Variants in UNC13A observed in about 807,000 individuals in gnomAD.
UNC13A encodes protein unc-13 homolog A.
In UNC13A, 61 loss-of-function variants were observed where a neutral mutation model predicts 219.7. That is an observed-to-expected ratio of 0.28 (90% CI 0.23 to 0.34). UNC13A has a LOEUF of 0.34. Among genes scored for constraint, UNC13A ranks in the 10% least tolerant of loss-of-function variants. The probability of loss-of-function intolerance (pLI) is 1.00; values close to 1 mark genes in which losing one functional copy is unlikely to be tolerated. For synonymous variants in UNC13A, 920 were observed against 884.6 expected, an observed-to-expected ratio of 1.04 and a Z score of -0.71; for missense variants, 1,476 against 2,270.3, an observed-to-expected ratio of 0.65 and a Z score of 7.11.
chr19:17,607,557 C>G (rs1017541318), intron 43 of UNC13A, among the ~76,000 whole-genome samples: 2 of 148,928 alleles, frequency 1.3e-5, no homozygotes, highest in African/African-American at 2.5e-5. Context: ...GAATTACAAG[C>G]GTCAGCCACC....
chr19:17,616,278 C>T lies in UNC13A; in HGVS notation c.4558+1424G>A. On this transcript the variant is annotated intron_variant, in intron 41 of 43. Transcript: ENST00000519716. ...CCTCACCCGCCTGGGCCCTCCAAGC[C>T]GCTCAGGCCTGGGCGGCGGCCCTGC... The T allele has an allele frequency of 1.6e-5, 8 of 514,002 alleles. No homozygotes were observed. The South Asian group carries it at 2.1e-4, about 13-fold the overall frequency. The allele number at this position is 514,002 out of a possible 1,614,324, so 31.8% of individuals were successfully genotyped here. A position where few individuals can be genotyped will look rare whatever the true frequency, so the allele number is the denominator to read the frequency against.
At chr19:17,631,215 CCTTCCTT>C (rs1418886621) in intron 28 of UNC13A, among the ~76,000 whole-genome samples, 19 of 42,640 alleles carry the variant, frequency 4.5e-4, no homozygotes, top group African/African-American at 1.9e-3. Context: ...TTCCTTCCTT[CCTTCCTT>C]CTTCCTTCCT....
chr19:17,616,979 C>T (rs1053684954), intron 41 of UNC13A, among the ~76,000 whole-genome samples: 1 of 152,102 alleles, frequency 6.6e-6, no homozygotes, highest in African/African-American at 2.4e-5. Flanking sequence ...GACAGGAGAC[C>T]GAAGCAAAAT....
intron 34 of UNC13A, 125 bp from the exon 35 acceptor site, chr19:17,625,077 C>G: frequency 7.0e-7 from 1 of 1,424,306 alleles, no homozygotes; most frequent in Non-Finnish European, 9.3e-7. Flanking sequence ...TACAGGGACC[C>G]CTGGGTGGTT....
At chr19:17,653,329 AAT>A (rs58439414) in intron 11 of UNC13A, among the ~76,000 whole-genome samples, 2 of 148,592 alleles carry the variant, frequency 1.3e-5, no homozygotes, top group African/African-American at 4.9e-5. Context: ...TCCTGAAATA[AAT>A]ATATATATAT....
intron 21 of UNC13A, 123 bp from the exon 22 acceptor site, chr19:17,640,784 T>G (rs2076959961): frequency 1.9e-6 from 2 of 1,065,958 alleles, no homozygotes; most frequent in Non-Finnish European, 1.3e-6. Context: ...AACCATCCCC[T>G]GCCTGATTCT....
rs749700009 is a variant in UNC13A at position 17,641,515 on chromosome 19, G to C, written c.2514C>G (p.Val838=). 1 of 1,613,948 alleles carries C rather than the reference G, an allele frequency of 6.2e-7. No homozygotes were observed. Among genetic ancestry groups the C allele is most frequent in the Non-Finnish European group, 8.5e-7 (1 of 1,179,950 alleles). The part of the protein sequence containing the change: ...HFVTDVQNNG[V]VKIPDAKGDD... ...CACCCTTGGCATCTGGGATCTTCACGACCCCATTGTTCTGCACGTCGGTCA... is the reference window on the plus strand; with the variant it reads ...CACCCTTGGCATCTGGGATCTTCACCACCCCATTGTTCTGCACGTCGGTCA... Residue 838 remains valine (V), a synonymous_variant, in exon 21 of 44, where the codon GTC becomes GTG. Transcript: ENST00000519716.
At chr19:17,667,776 ATTTTTT>A (rs34197880) in intron 6 of UNC13A, among the ~76,000 whole-genome samples, 1 of 108,056 alleles carries the variant, frequency 9.3e-6, no homozygotes, top group Non-Finnish European at 1.8e-5. Flanking sequence ...AGCCTGGCTA[ATTTTTT>A]TTTTTTTTTT....
chr19:17,614,178 G>C, intron 41 of UNC13A: 1 of 150,402 alleles, frequency 6.6e-6, no homozygotes, highest in Non-Finnish European at 1.5e-5. Flanking sequence ...GCTAATTTTT[G>C]TTATTTTTAG....
chr19:17,650,330 A>G (rs1156245487), intron 12 of UNC13A, among the ~76,000 whole-genome samples: 1 of 151,976 alleles, frequency 6.6e-6, no homozygotes, highest in African/African-American at 2.4e-5. Flanking sequence ...CCTGACCAAC[A>G]TGGTGAAACC....
At chr19:17,628,848 A>T (rs549666290) in intron 31 of UNC13A, among the ~76,000 whole-genome samples, 1 of 152,134 alleles carries the variant, frequency 6.6e-6, no homozygotes, top group South Asian at 2.1e-4. Context: ...GACGAAACAC[A>T]ATCACACACG....
rs185262343 is a variant in UNC13A, at chr19:17,661,751, G to A, written c.559+1781C>T. On this transcript the variant is annotated intron_variant, in intron 8 of 43. Transcript: ENST00000519716. ...AATAGAGGACTGGATTTCTCTAGAAGAGGCGGGGTATGGGAGAAAGGGAGC... is the reference window on the plus strand; with the variant it reads ...AATAGAGGACTGGATTTCTCTAGAAAAGGCGGGGTATGGGAGAAAGGGAGC... 2.0e-3 allele frequency among the ~76,000 whole-genome samples: 301 copies of A among 152,290 alleles called. 4 individuals carry two copies. The highest frequency in any genetic ancestry group is 0.017 in the Admixed American group (265 of 15,292).
In UNC13A at chr19:17,658,112, G is replaced by A. The variant is rs2079491507; in HGVS notation, c.717C>T (p.Tyr239=). ...CCTCGTAACTGTGCATGGAGTCACT[G>A]TAGGACTCCCGGGAGCCCAGGGGTG... The part of the protein sequence containing the change: ...RPPPLGSRES[Y]SDSMHSYEEF... The change falls in exon 9 of 44, where the codon TAC becomes TAT. Residue 239 remains tyrosine (Y), a synonymous_variant. Coordinates refer to ENST00000519716, the MANE Select transcript of UNC13A (RefSeq NM_001080421.3). 1 of 1,613,784 alleles carries A rather than the reference G, an allele frequency of 6.2e-7. No individual in the cohort carries two copies.
At chr19:17,683,575 T>A (rs2080057024) in intron 1 of UNC13A, among the ~76,000 whole-genome samples, 1 of 151,808 alleles carries the variant, frequency 6.6e-6, no homozygotes, top group African/African-American at 2.4e-5. Context: ...GGAAAATCGC[T>A]TGAACTTGGA....
chr19:17,685,830 G>T (rs957921196), intron 1 of UNC13A, among the ~76,000 whole-genome samples: 5 of 152,112 alleles, frequency 3.3e-5, no homozygotes, highest in East Asian at 3.9e-4. Flanking sequence ...TGGAGGGGAG[G>T]GGGGACAGGT....
intron 17 of UNC13A, among the ~76,000 whole-genome samples, 191 bp downstream of exon 17, chr19:17,647,074 C>A (rs760770055): frequency 1.3e-5 from 2 of 152,242 alleles, no homozygotes; most frequent in Non-Finnish European, 2.9e-5. Flanking sequence ...CACCCAGATA[C>A]AGTGCCATGA....
Position 17,604,851 on chromosome 19 carries a change from G to A in UNC13A, c.*1203C>T, listed in dbSNP as rs1456057336. 1 of 151,616 alleles carries A rather than the reference G, an allele frequency of 6.6e-6. No individual in the cohort carries two copies. Among genetic ancestry groups the A allele is most frequent in the African/African-American group, 2.4e-5 (1 of 41,178 alleles). The allele number at this position is 151,616 out of a possible 1,614,324, so 9.4% of individuals were successfully genotyped here. A position where few individuals can be genotyped will look rare whatever the true frequency, so the allele number is the denominator to read the frequency against. Reference sequence around the variant, plus strand: ...GAGACTAAGCTCTCACTGTGTCACTGTGTTTGTGTTTCTCTCTCTCTCATT... The same window carrying A: ...GAGACTAAGCTCTCACTGTGTCACTATGTTTGTGTTTCTCTCTCTCTCATT... On this transcript the variant is annotated 3_prime_UTR_variant, in exon 44 of 44. Coordinates refer to ENST00000519716, the MANE Select transcript of UNC13A (RefSeq NM_001080421.3).
At chr19:17,617,025 C>G (rs1599832493) in intron 41 of UNC13A, among the ~76,000 whole-genome samples, 2 of 152,254 alleles carry the variant, frequency 1.3e-5, no homozygotes, top group South Asian at 2.1e-4. Flanking sequence ...AATGGGAACT[C>G]CCTCTCCGTC....
At chr19:17,645,391 A>G (rs1258239506) in intron 19 of UNC13A, among the ~76,000 whole-genome samples, 2 of 152,004 alleles carry the variant, frequency 1.3e-5, no homozygotes, top group Non-Finnish European at 2.9e-5. Flanking sequence ...TAGGATTCCC[A>G]GTTCTTGCTT....
Sources: gnomAD v4.1 joint callset for allele counts (sites outside exome capture counted in the v4.1 genomes callset) on GRCh38, gnomAD v4.1.1 for gene constraint, MANE v1.5 for transcripts, NCBI Gene and HGNC (gene_info 2026-07-23, HGNC 2026-07-21) for gene names.